The following PAFAH2 variants were observed in gnomAD, a reference collection of about 807,000 sequenced individuals.
The protein encoded by PAFAH2 is platelet activating factor acetylhydrolase 2.
A neutral mutation model predicts 49.0 loss-of-function variants in PAFAH2; 42 were observed. The ratio of observed to expected loss-of-function variants is 0.86; its 90% CI spans 0.67 to 1.11. The LOEUF is 1.11. PAFAH2 is among the 50% of genes least tolerant of loss of function. The probability of loss-of-function intolerance (pLI) is 0.00; values close to 1 mark genes in which losing one functional copy is unlikely to be tolerated. For synonymous variants in PAFAH2, 184 were observed against 181.3 expected (o/e 1.01, Z -0.12); for missense variants, 503 against 501.8 (o/e 1.00, Z -0.02).
chr1:25,970,192 C>T (rs2049486259), intron 10 of PAFAH2, among the ~76,000 whole-genome samples: 1 of 152,148 alleles, frequency 6.6e-6, no homozygotes, highest in South Asian at 2.1e-4. Context: ...GACGGCCAGG[C>T]GCGATGGCTC....
intron 7 of PAFAH2, among the ~76,000 whole-genome samples, chr1:25,977,514 G>A (rs1401206670): frequency 1.3e-5 from 2 of 151,642 alleles, no homozygotes; most frequent in Admixed American, 6.6e-5. Context: ...AATTAGCTGG[G>A]CATGGTGGCG....
intron 10 of PAFAH2, among the ~76,000 whole-genome samples, chr1:25,971,149 G>A (rs1156690859): frequency 6.6e-6 from 1 of 152,154 alleles, no homozygotes; most frequent in Non-Finnish European, 1.5e-5. Flanking sequence ...AGGAGATCTT[G>A]CTCTTAGGTT....
chr1:25,967,922 T>G (rs546341189), intron 10 of PAFAH2, among the ~76,000 whole-genome samples: 1 of 152,152 alleles, frequency 6.6e-6, no homozygotes, highest in South Asian at 2.1e-4. Context: ...TCCCAGCACT[T>G]TGGGTGGCCG....
In PAFAH2 at chr1:25,972,545, G is replaced by C. The variant is rs745755835; in HGVS notation, c.1084+13C>G. 1 of 1,611,048 alleles carries C rather than the reference G, an allele frequency of 6.2e-7. No individual in the cohort carries two copies. Among genetic ancestry groups the C allele is most frequent in the African/African-American group, 1.3e-5 (1 of 74,928 alleles). On this transcript the variant is annotated intron_variant, in intron 10 of 10. Transcript: ENST00000374282. ...CCCCACAGCTGCCCCAAGAGCCCCA[G>C]TTTTCTCCTTACCGAGGTGCTTCTG...
At chr1:25,989,350 G>C in intron 3 of PAFAH2, 98 bp downstream of exon 3, 1 of 1,171,612 alleles carries the variant, frequency 8.5e-7, no homozygotes, top group Non-Finnish European at 1.1e-6. Context: ...ACAAAAGCCT[G>C]GACACTGCAG....
At position 25,973,555 on chromosome 1, in the gene PAFAH2, T is replaced by C. The variant is rs557161621; in HGVS notation, c.930-843A>G. Among the ~76,000 whole-genome samples the C allele has an allele frequency of 5.9e-5, 9 of 152,278 alleles. No homozygotes were observed. In the East Asian group the frequency reaches 1.5e-3, roughly 26 times the overall value. Reference sequence around the variant, plus strand: ...CCCTTCCCAACTGGCCTCACCTCCTTTCCCTCCTGAATCTGACCTGGGGAA... The same window carrying C: ...CCCTTCCCAACTGGCCTCACCTCCTCTCCCTCCTGAATCTGACCTGGGGAA... On this transcript the variant is annotated intron_variant, in intron 9 of 10. Coordinates refer to ENST00000374282, the MANE Select transcript of PAFAH2 (RefSeq NM_000437.4).
Position 25,984,105 on chromosome 1 carries a change from T to A in PAFAH2, c.411-18A>T. 1 of 1,613,452 alleles carries A rather than the reference T, an allele frequency of 6.2e-7. No homozygotes were observed. The highest frequency in any genetic ancestry group is 2.2e-5 in the East Asian group (1 of 44,878). ...ACCGGTCCCTGAAATACACACATCA[T>A]CAGAGAGAAACCAGAAAACATTCTT... On this transcript the variant is annotated intron_variant, in intron 5 of 10. Coordinates refer to ENST00000374282, the MANE Select transcript of PAFAH2 (RefSeq NM_000437.4).
intron 1 of PAFAH2, among the ~76,000 whole-genome samples, chr1:25,992,860 A>T (rs2049894946): frequency 6.6e-6 from 1 of 152,164 alleles, no homozygotes; most frequent in African/African-American, 2.4e-5. Context: ...AAGTGCGCGT[A>T]TGGCATTAGG....
chr1:25,975,154 T>G (rs1023382284), intron 8 of PAFAH2, among the ~76,000 whole-genome samples: 5 of 152,192 alleles, frequency 3.3e-5, no homozygotes, highest in Admixed American at 6.5e-5. Context: ...AGCAAAACCA[T>G]GTCACCAAGA....
intron 10 of PAFAH2, among the ~76,000 whole-genome samples, chr1:25,970,672 A>G (rs1247122969): frequency 6.6e-6 from 1 of 151,478 alleles, no homozygotes; most frequent in Non-Finnish European, 1.5e-5. Context: ...TGCAGTCTTG[A>G]CCTCCCAGGC....
intron 1 of PAFAH2, 69 bp from the exon 2 acceptor site, chr1:25,990,932 T>C: frequency 1.3e-6 from 1 of 765,770 alleles, no homozygotes; most frequent in Non-Finnish European, 2.2e-6. Flanking sequence ...CTGAAATGTG[T>C]TATCTGTTAC....
Position 25,974,554 on chromosome 1 carries a change from G to A in PAFAH2, c.855C>T (p.Phe285=), listed in dbSNP as rs1557517848. 6.2e-7 allele frequency: 1 copy of A among 1,614,020 alleles called. No homozygotes were observed. Among genetic ancestry groups the A allele is most frequent in the Non-Finnish European group, 8.5e-7 (1 of 1,179,904 alleles). The change falls in exon 9 of 11, where the codon TTC becomes TTT. Residue 285 remains phenylalanine, a synonymous_variant. Coordinates refer to ENST00000374282, the MANE Select transcript of PAFAH2 (RefSeq NM_000437.4). Reference sequence around the variant, plus strand: ...TCAAATTGACACTCTCCATTGTCTGGAATTTCTCAGTATTGATAAAGAACA... The same window carrying A: ...TCAAATTGACACTCTCCATTGTCTGAAATTTCTCAGTATTGATAAAGAACA... ...GPVFFINTEK[F]QTMESVNLMK...
intron 10 of PAFAH2, among the ~76,000 whole-genome samples, chr1:25,969,998 G>A (rs997165109): frequency 6.6e-5 from 10 of 152,142 alleles, no homozygotes; most frequent in South Asian, 2.1e-4. Flanking sequence ...CAAGGCTCAC[G>A]ATGTGTAAGA....
intron 9 of PAFAH2, 138 bp from the exon 10 acceptor site, chr1:25,972,850 T>C: frequency 5.8e-6 from 5 of 861,002 alleles, no homozygotes; most frequent in South Asian, 3.4e-5. Context: ...GGGAAGTATT[T>C]TCCCCCTTGA....
chr1:25,962,234 A>G, intron 10 of PAFAH2, 151 bp from the exon 11 acceptor site: 2 of 588,384 alleles, frequency 3.4e-6, no homozygotes, highest in Non-Finnish European at 6.1e-6. Context: ...TGGTGGCGGT[A>G]ACGATAACTA....
intron 6 of PAFAH2, among the ~76,000 whole-genome samples, chr1:25,983,398 TA>T (rs1047470223): frequency 4.7e-5 from 7 of 149,960 alleles, no homozygotes; most frequent in African/African-American, 1.5e-4. Flanking sequence ...AAAATAAAAA[TA>T]AAAAAAAATT....
chr1:25,983,631 AAG>A (rs543159188), intron 6 of PAFAH2, among the ~76,000 whole-genome samples: 43 of 152,014 alleles, frequency 2.8e-4, no homozygotes, highest in Non-Finnish European at 5.4e-4. Flanking sequence ...CCCACCAACC[AAG>A]AGAGAGACAG....
intron 10 of PAFAH2, among the ~76,000 whole-genome samples, chr1:25,971,193 C>G (rs968464310): frequency 1.3e-5 from 2 of 152,112 alleles, no homozygotes; most frequent in Non-Finnish European, 2.9e-5. Context: ...TTCAGACAAG[C>G]CTGGCTCCTT....
At chr1:25,984,230 AGTGG>A in intron 5 of PAFAH2, 143 bp from the exon 6 acceptor site, 1 of 969,480 alleles carries the variant, frequency 1.0e-6, no homozygotes, top group Non-Finnish European at 1.6e-6. Context: ...TGCATAGGGA[AGTGG>A]AAAAAATACA....
Sources: gnomAD v4.1 joint callset for allele counts (sites outside exome capture counted in the v4.1 genomes callset) on GRCh38, gnomAD v4.1.1 for gene constraint, MANE v1.5 for transcripts, NCBI Gene and HGNC (gene_info 2026-07-23, HGNC 2026-07-21) for gene names.